The following HAS1 variants were observed in gnomAD, a reference collection of about 807,000 sequenced individuals.
The protein encoded by HAS1 is hyaluronan synthase 1.
A neutral mutation model predicts 35.0 loss-of-function variants in HAS1; 27 were observed. The observed-to-expected ratio is 0.77, with a 90% CI of 0.57 to 1.06. The LOEUF (loss-of-function observed/expected upper bound fraction) is 1.06, where lower values mean the gene tolerates loss of function less well. Among genes scored for constraint, HAS1 ranks in the 50% least tolerant of loss-of-function variants. HAS1 has a pLI of 0.00. For synonymous variants in HAS1, 409 were observed against 371.2 expected, an observed-to-expected ratio of 1.10 and a Z score of -1.17; for missense variants, 940 against 814.8, an observed-to-expected ratio of 1.15 and a Z score of -1.87.
chr19:51,718,756 A>T (rs980286653), intron 2 of HAS1, among the ~76,000 whole-genome samples: 1 of 152,240 alleles, frequency 6.6e-6, no homozygotes, highest in African/African-American at 2.4e-5. Flanking sequence ...AGGCTAGTCT[A>T]GAACTCCTGA....
At chr19:51,716,127 TA>T in intron 4 of HAS1, 128 bp downstream of exon 4, 2 of 824,300 alleles carry the variant, frequency 2.4e-6, no homozygotes, top group Non-Finnish European at 3.9e-6. Context: ...CTCTCTCCTC[TA>T]AAGTCTCACT....
At position 51,713,917 on chromosome 19, in the gene HAS1, G is replaced by C. The variant is rs754838593; in HGVS notation, c.1244C>G (p.Ala415Gly). ...VVSGLFPFFV[A>G]ATVLRLFYAG... ...GTAGAACAGACGCAGCACAGTGGCC[G>C]CCACGAAGAAGGGGAACAGGCCGGA... Residue 415 changes from alanine (A) to glycine (G), a missense_variant, in exon 5 of 5, where the codon GCG becomes GGG. By Grantham distance (60) the Ala-to-Gly change is moderately conservative. Coordinates refer to ENST00000540069, the MANE Select transcript of HAS1 (RefSeq NM_001297436.2). The surrounding 1 kb of genome is among the most constrained non-coding windows in gnomAD (Gnocchi z 4.5). 6 of 1,607,888 alleles carry C rather than the reference G, an allele frequency of 3.7e-6. No individual in the cohort carries two copies. Among genetic ancestry groups the C allele is most frequent in the Non-Finnish European group, 5.1e-6 (6 of 1,179,988 alleles).
At chr19:51,720,512 A>C (rs1288852938) in intron 1 of HAS1, among the ~76,000 whole-genome samples, 1 of 152,148 alleles carries the variant, frequency 6.6e-6, no homozygotes, top group Non-Finnish European at 1.5e-5. Context: ...TTATTTTTAT[A>C]GACAGGGTCT....
At chr19:51,716,154 T>G in intron 4 of HAS1, 102 bp downstream of exon 4, 1 of 1,031,854 alleles carries the variant, frequency 9.7e-7, no homozygotes, top group East Asian at 2.4e-5. Flanking sequence ...GAGCCCATTG[T>G]CTGGTGAGTT....
At chr19:51,714,141 C>A in intron 4 of HAS1, 39 bp from the exon 5 acceptor site, 1 of 1,586,918 alleles carries the variant, frequency 6.3e-7, no homozygotes, top group East Asian at 2.3e-5. Flanking sequence ...ATCGCGTGCT[C>A]CCTGGGGCCT....
rs1250468439 is a variant in HAS1, at chr19:51,713,772, G to A, written c.1389C>T (p.Tyr463=). Residue 463 remains tyrosine, a synonymous_variant, in exon 5 of 5, where the codon TAC becomes TAT. Coordinates refer to ENST00000540069, the MANE Select transcript of HAS1 (RefSeq NM_001297436.2). This position sits in a 1 kb window ranked among gnomAD's most constrained non-coding sequence, Gnocchi z 4.5. The stretch of plus-strand genomic sequence containing the variant: ...GGAGGCCACACATGTAGAGGGGCGC[G>A]TAGAGCGACAGAAGCACCATGCGCA... ...GCLRMVLLSL[Y]APLYMCGLLP... 1.2e-6 allele frequency: 2 copies of A among 1,604,444 alleles called. No homozygotes were observed. The highest frequency in any genetic ancestry group is 1.7e-6 in the Non-Finnish European group (2 of 1,175,864).
chr19:51,714,404 A>G (rs1424130319), intron 4 of HAS1, among the ~76,000 whole-genome samples: 1 of 150,894 alleles, frequency 6.6e-6, no homozygotes, highest in East Asian at 2.0e-4. Context: ...ATAAGCACCA[A>G]TGGGTGGGAT....
rs779448854 is a variant in HAS1, at chr19:51,713,878, C to T, written c.1283G>A (p.Trp428Ter). The change falls in exon 5 of 5, where the codon TGG becomes TAG. Residue 428 changes from tryptophan to a stop codon, truncating the protein, a stop_gained. Coordinates refer to ENST00000540069, the MANE Select transcript of HAS1 (RefSeq NM_001297436.2). LOFTEE classifies it low-confidence loss of function (END_TRUNC). The surrounding 1 kb of genome is among the most constrained non-coding windows in gnomAD (Gnocchi z 4.5). The part of the protein sequence containing the change: ...VLRLFYAGRP[W>*]ALLWVLLCVQ... ...GCACAGCAGCACCCACAGCAGCGCC[C>T]AAGGGCGGCCCGCGTAGAACAGACG... 1.2e-6 allele frequency: 2 copies of T among 1,606,396 alleles called. No homozygotes were observed. Among genetic ancestry groups the T allele is most frequent in the Admixed American group, 3.3e-5 (2 of 59,986 alleles).
intron 1 of HAS1, among the ~76,000 whole-genome samples, chr19:51,722,270 G>C (rs1415925694): frequency 6.6e-6 from 1 of 152,152 alleles, no homozygotes; most frequent in Non-Finnish European, 1.5e-5. Context: ...ACTCTTACTT[G>C]ATTCGGTTAT....
At chr19:51,716,568 G>A (rs539059079) in intron 3 of HAS1, among the ~76,000 whole-genome samples, 180 bp from the exon 4 acceptor site, 196 of 151,722 alleles carry the variant, frequency 1.3e-3, no homozygotes, top group Non-Finnish European at 2.2e-3. Context: ...AACCTCATAC[G>A]CACTCCAACT....
In HAS1 at chr19:51,713,400, C is replaced by T; in HGVS notation, c.*27G>A. 1 of 1,472,302 alleles carries T rather than the reference C, an allele frequency of 6.8e-7. No individual in the cohort carries two copies. The highest frequency in any genetic ancestry group is 1.4e-5 in the South Asian group (1 of 70,586). The allele number at this position is 1,472,302 out of a possible 1,614,324, so 91.2% of individuals were successfully genotyped here. A position where few individuals can be genotyped will look rare whatever the true frequency, so the allele number is the denominator to read the frequency against. On this transcript the variant is annotated 3_prime_UTR_variant, in exon 5 of 5. Transcript: ENST00000540069. The surrounding 1 kb of genome is among the most constrained non-coding windows in gnomAD (Gnocchi z 4.5). ...TCTCCTCTGGCCTCCCCTGAAGACC[C>T]TTGAGGCGGCATCCGCGTGGCTGGA... is the stretch of plus-strand genomic sequence containing the variant.
In HAS1 at chr19:51,716,137, C is replaced by T. The variant is rs535588998; in HGVS notation, c.1058+119G>A. On this transcript the variant is annotated intron_variant, in intron 4 of 4. Transcript: ENST00000540069. ...TCCTCCTCTCTCCTCTAAAGTCTCA[C>T]TTGATAGAGCCCATTGTCTGGTGAG... The T allele has an allele frequency of 3.3e-6, 3 of 907,118 alleles. No individual in the cohort carries two copies. In the East Asian group the frequency reaches 7.3e-5, roughly 22 times the overall value. The allele number at this position is 907,118 out of a possible 1,614,324, so 56.2% of individuals were successfully genotyped here.
intron 1 of HAS1, among the ~76,000 whole-genome samples, chr19:51,720,186 C>T (rs1416435487): frequency 6.6e-6 from 1 of 151,602 alleles, no homozygotes; most frequent in Non-Finnish European, 1.5e-5. Flanking sequence ...CATCTAGGCT[C>T]ACTGCAGCCT....
chr19:51,714,047 G>A lies in HAS1; in HGVS notation c.1114C>T (p.Leu372=). The A allele has an allele frequency of 6.2e-7, 1 of 1,613,860 alleles. No individual in the cohort carries two copies. Among genetic ancestry groups the A allele is most frequent in the Non-Finnish European group, 8.5e-7 (1 of 1,179,924 alleles). The change falls in exon 5 of 5, where the codon CTG becomes TTG. Residue 372 remains leucine (L), a synonymous_variant. Coordinates refer to ENST00000540069, the MANE Select transcript of HAS1 (RefSeq NM_001297436.2). The part of the protein sequence containing the change: ...SETPSSFLRW[L]SQQTRWSKSY... ...TTGGACCAGCGTGTCTGCTGGCTCA[G>A]CCACCGCAGGAAGGACGAGGGCGTC...
chr19:51,719,325 C>A lies in HAS1; in HGVS notation c.580G>T (p.Ala194Ser), dbSNP rs1362136678. Residue 194 changes from alanine (A) to serine (S), a missense_variant, in exon 2 of 5, where the codon GCA becomes TCA. Transcript: ENST00000540069. ...EVEAEDPGRL[A>S]VEALVRTRRC... ...CGAGTCCTCACCAGCGCCTCCACTG[C>A]CAGCCGCCCAGGATCCTCCGCCTCC... 6.2e-7 allele frequency: 1 copy of A among 1,612,498 alleles called. No individual in the cohort carries two copies. The highest frequency in any genetic ancestry group is 1.1e-5 in the South Asian group (1 of 90,858).
rs770279988 is a variant in HAS1 at position 51,716,414 on chromosome 19, G to A, written c.926-26C>T. 5.6e-6 allele frequency: 9 copies of A among 1,593,578 alleles called. No homozygotes were observed. The African/African-American group carries it at 8.1e-5, about 14-fold the overall frequency. ...CTGGGTGGAGGGGAGGTGTGAAAGA[G>A]TGTCAGCCTCTGCTGTCACCAACAC... On this transcript the variant is annotated intron_variant, in intron 3 of 4. Coordinates refer to ENST00000540069, the MANE Select transcript of HAS1 (RefSeq NM_001297436.2).
chr19:51,713,728 G>A lies in HAS1; in HGVS notation c.1433C>T (p.Ala478Val), dbSNP rs767651246. 1.9e-5 allele frequency: 30 copies of A among 1,607,126 alleles called. 1 individual carries two copies. The South Asian group carries it at 3.1e-4, about 17-fold the overall frequency. ...MCGLLPAKFL[A>V]LVTMNQSGWG... ...GCCACTCTGGTTCATGGTGACTAGC[G>A]CCAGGAACTTGGCAGGCAGGAGGCC... Residue 478 changes from alanine (A) to valine (V), a missense_variant, in exon 5 of 5, where the codon GCG becomes GTG. Coordinates refer to ENST00000540069, the MANE Select transcript of HAS1 (RefSeq NM_001297436.2). The surrounding 1 kb of genome is among the most constrained non-coding windows in gnomAD (Gnocchi z 4.5).
chr19:51,719,652 GCGC>G lies in HAS1; in HGVS notation c.250_252del (p.Ala84del), dbSNP rs1250045687. The G allele has an allele frequency of 6.5e-7, 1 of 1,539,336 alleles. No individual in the cohort carries two copies. Among genetic ancestry groups the G allele is most frequent in the Non-Finnish European group, 8.7e-7 (1 of 1,145,840 alleles). On this transcript the variant is annotated inframe_deletion, in exon 2 of 5. Transcript: ENST00000540069. ...GCGGTGGCTGCATCCAGCGGCCCCC[GCGC>G]CGCCGCCGCCACCCGCCGGTGCTCC...
Position 51,713,629 on chromosome 19 carries a change from A to G in HAS1, c.1532T>C (p.Leu511Pro), listed in dbSNP as rs766556467. ...PLLPLALWAL[L>P]LLGGLVRSVA... Reference sequence around the variant, plus strand: ...GCTGCGGACCAGGCCCCCAAGCAGCAGCAGCGCCCAGAGCGCCAGGGGCAG... The same window carrying G: ...GCTGCGGACCAGGCCCCCAAGCAGCGGCAGCGCCCAGAGCGCCAGGGGCAG... Residue 511 changes from leucine (L) to proline (P), a missense_variant, in exon 5 of 5, where the codon CTG (leucine) becomes CCG (proline). Physicochemically the swap from Leu to Pro is moderately conservative, Grantham distance 98 (BLOSUM62 -3). Coordinates refer to ENST00000540069, the MANE Select transcript of HAS1 (RefSeq NM_001297436.2). The surrounding 1 kb of genome is among the most constrained non-coding windows in gnomAD (Gnocchi z 4.5). 1 of 1,562,370 alleles carries G rather than the reference A, an allele frequency of 6.4e-7. No individual in the cohort carries two copies. The highest frequency in any genetic ancestry group is 8.7e-7 in the Non-Finnish European group (1 of 1,153,628).
Sources: allele counts gnomAD v4.1 joint callset (sites outside exome capture counted in the v4.1 genomes callset), GRCh38; gene constraint gnomAD v4.1.1; non-coding constraint Gnocchi (gnomAD v3.1); transcripts MANE v1.5; gene names NCBI Gene and HGNC (gene_info 2026-07-23, HGNC 2026-07-21).